Variants in TANC1 observed in about 807,000 individuals in gnomAD.
TANC1 encodes tetratricopeptide repeat, ankyrin repeat and coiled-coil containing 1, also known as protein TANC1.
Under a neutral mutation model 149.7 loss-of-function variants are expected in TANC1, and 77 were observed. The ratio of observed to expected loss-of-function variants is 0.51; its 90% CI spans 0.43 to 0.62. The LOEUF is 0.62. Among genes scored for constraint, TANC1 ranks in the 20% least tolerant of loss-of-function variants. The pLI is 0.00. For missense variants in TANC1, 1,985 were observed against 2,321.8 expected (o/e 0.85, Z 2.98); for synonymous variants, 854 against 925.0 (o/e 0.92, Z 1.39).
At chr2:158,987,398 C>T (rs1313977223) in intron 1 of TANC1, among the ~76,000 whole-genome samples, 5 of 151,638 alleles carry the variant, frequency 3.3e-5, no homozygotes, top group Admixed American at 6.6e-5. Context: ...TGGTGGTGCA[C>T]ACCTGTAGTT....
chr2:159,134,603 C>T (rs1354319342), intron 4 of TANC1, among the ~76,000 whole-genome samples: 2 of 152,224 alleles, frequency 1.3e-5, no homozygotes, highest in African/African-American at 4.8e-5. Flanking sequence ...CTGCCTCAGC[C>T]TCCTGAGTAG....
intron 22 of TANC1, among the ~76,000 whole-genome samples, chr2:159,221,100 C>T (rs2059681234): frequency 1.3e-5 from 2 of 152,268 alleles, no homozygotes; most frequent in African/African-American, 2.4e-5. Context: ...CCTGTAATCC[C>T]GGCACTTTGG....
At chr2:159,136,153 T>C in intron 4 of TANC1, 41 bp from the exon 5 acceptor site, 1 of 1,210,322 alleles carries the variant, frequency 8.3e-7, no homozygotes, top group Non-Finnish European at 1.2e-6. Flanking sequence ...TTTGTTTGCA[T>C]CTGGAAAAAA....
At chr2:159,008,810 A>T (rs574498839) in intron 2 of TANC1, among the ~76,000 whole-genome samples, 94 of 152,296 alleles carry the variant, frequency 6.2e-4, no homozygotes, top group Non-Finnish European at 1.3e-3. Flanking sequence ...GAGACAAAGT[A>T]TTCGGTTGAT....
rs1006765295 is a variant in TANC1 at position 159,169,340 on chromosome 2, A to T, written c.1037A>T (p.Asn346Ile). 1 of 1,614,010 alleles carries T rather than the reference A, an allele frequency of 6.2e-7. No individual in the cohort carries two copies. Among genetic ancestry groups the T allele is most frequent in the Admixed American group, 1.7e-5 (1 of 60,018 alleles). The change falls in exon 9 of 27, where the codon AAT (asparagine) becomes ATT (isoleucine). Residue 346 changes from asparagine to isoleucine, a missense_variant. Around this residue, in one of 3 missense-constraint regions of TANC1, gnomAD observed 557 missense variants for 612.9 expected, o/e 0.91. Transcript: ENST00000263635. ...LRTSIRLPWH[N>I]TAGGRAQEVK... is the part of the protein sequence containing the mutation. ...ACGTCAATTAGATTACCATGGCACAATACGGCCGGAGGTAGGGCACAGGAA... is the reference window on the plus strand; with the variant it reads ...ACGTCAATTAGATTACCATGGCACATTACGGCCGGAGGTAGGGCACAGGAA...
chr2:159,083,964 GTC>G (rs750011734), intron 3 of TANC1, among the ~76,000 whole-genome samples: 16,439 of 152,088 alleles, frequency 0.11, 898 homozygotes, highest in African/African-American at 0.13. Context: ...GAAAAATGCA[GTC>G]ATCAGCTGGG....
chr2:159,218,605 G>T (rs1180855213), intron 20 of TANC1, among the ~76,000 whole-genome samples: 1 of 152,236 alleles, frequency 6.6e-6, no homozygotes, highest in African/African-American at 2.4e-5. Context: ...TTCCTGCTGG[G>T]ATGGTGGTGA....
At chr2:159,082,558 GTC>G (rs1268651018) in intron 3 of TANC1, among the ~76,000 whole-genome samples, 2 of 152,118 alleles carry the variant, frequency 1.3e-5, no homozygotes, top group African/African-American at 2.4e-5. Flanking sequence ...TAGCTCACTT[GTC>G]TGTGTGGCAA....
chr2:159,059,519 A>G (rs2042078368), intron 2 of TANC1, among the ~76,000 whole-genome samples: 1 of 146,470 alleles, frequency 6.8e-6, no homozygotes. Context: ...AAAACCAAAT[A>G]TATAAAAAAA....
rs189118614 is a variant in TANC1, at chr2:159,005,231, C to A, written c.-16+4042C>A. Among the ~76,000 whole-genome samples, 5 of 152,178 alleles carry A rather than the reference C, an allele frequency of 3.3e-5. No homozygotes were observed. The East Asian group carries it at 9.6e-4, about 29-fold the overall frequency. ...ATTTTGTTTATGGTCAGTTTTGGGG[C>A]CAGTTTATGGTCAGATTTGGGGGCC... On this transcript the variant is annotated intron_variant, in intron 2 of 26. Transcript: ENST00000263635.
At chr2:158,987,761 C>A (rs2035177471) in intron 1 of TANC1, among the ~76,000 whole-genome samples, 2 of 152,084 alleles carry the variant, frequency 1.3e-5, no homozygotes, top group Non-Finnish European at 2.9e-5. Flanking sequence ...GAGCTGTTTT[C>A]TGTGAATTTG....
intron 8 of TANC1, among the ~76,000 whole-genome samples, chr2:159,167,434 T>G (rs533262344): frequency 3.3e-5 from 5 of 152,328 alleles, no homozygotes; most frequent in African/African-American, 1.2e-4. Context: ...ACCCTACTTA[T>G]GAAGGGCCTA....
At chr2:159,150,607 A>G in intron 7 of TANC1, 51 bp downstream of exon 7, 1 of 1,402,854 alleles carries the variant, frequency 7.1e-7, no homozygotes, top group Non-Finnish European at 1.0e-6. Context: ...CATCAACCAG[A>G]GCATTCACCA....
In TANC1 at chr2:159,230,901, T is replaced by C. The variant is rs1434922639; in HGVS notation, c.5475T>C (p.His1825=). The C allele has an allele frequency of 2.5e-6, 4 of 1,614,072 alleles. No individual in the cohort carries two copies. Among genetic ancestry groups the C allele is most frequent in the Non-Finnish European group, 3.4e-6 (4 of 1,180,044 alleles). ...QENRITKTVS[H]LYQESISKQQ... Reference sequence around the variant, plus strand: ...ACAGGATAACTAAGACTGTTTCTCATCTGTACCAGGAAAGTATCTCCAAAC... The same window carrying C: ...ACAGGATAACTAAGACTGTTTCTCACCTGTACCAGGAAAGTATCTCCAAAC... Residue 1825 remains histidine, a synonymous_variant, in exon 27 of 27, where the codon CAT becomes CAC. Transcript: ENST00000263635. The surrounding 1 kb of genome is among the most constrained non-coding windows in gnomAD (Gnocchi z 4.4).
chr2:159,092,542 G>A (rs1297305544), intron 3 of TANC1, among the ~76,000 whole-genome samples: 2 of 152,148 alleles, frequency 1.3e-5, no homozygotes, highest in African/African-American at 4.8e-5. Context: ...CGCCTTATTG[G>A]ATGGCTTTAT....
rs761767087 is a variant in TANC1, at chr2:159,199,007, A to G, written c.3198A>G (p.Glu1066=). Reference sequence around the variant, plus strand: ...AGTGCTTGCTGGGGATGGAGAAGGAACATGAAGTAGAAGTCAATGGCACCG... The same window carrying G: ...AGTGCTTGCTGGGGATGGAGAAGGAGCATGAAGTAGAAGTCAATGGCACCG... ...VVQCLLGMEK[E]HEVEVNGTDT... The change falls in exon 19 of 27, where the codon GAA becomes GAG. Residue 1066 remains glutamate (E), a synonymous_variant. Coordinates refer to ENST00000263635, the MANE Select transcript of TANC1 (RefSeq NM_033394.3). 1.2e-6 allele frequency: 2 copies of G among 1,614,134 alleles called. No homozygotes were observed. Among genetic ancestry groups the G allele is most frequent in the Admixed American group, 1.7e-5 (1 of 60,026 alleles).
intron 5 of TANC1, among the ~76,000 whole-genome samples, chr2:159,137,151 A>C (rs1291720347): frequency 6.6e-6 from 1 of 152,190 alleles, no homozygotes; most frequent in Non-Finnish European, 1.5e-5. Flanking sequence ...TTACTTTGGC[A>C]TATCTGGCAC....
At chr2:159,171,006 G>C (rs751284937) in intron 10 of TANC1, among the ~76,000 whole-genome samples, 1 of 152,234 alleles carries the variant, frequency 6.6e-6, no homozygotes, top group Non-Finnish European at 1.5e-5. Context: ...GGCGAGGCCA[G>C]TGTTCCCTGA....
intron 2 of TANC1, among the ~76,000 whole-genome samples, chr2:159,003,762 C>A (rs1383406439): frequency 6.6e-6 from 1 of 152,204 alleles, no homozygotes; most frequent in East Asian, 1.9e-4. Context: ...CGTCGTCTTT[C>A]TCTGTCTCGG....
Sources: allele counts gnomAD v4.1 joint callset (sites outside exome capture counted in the v4.1 genomes callset), GRCh38; gene constraint gnomAD v4.1.1; regional missense constraint gnomAD v4.1.1; non-coding constraint Gnocchi (gnomAD v3.1); transcripts MANE v1.5; gene names NCBI Gene and HGNC (gene_info 2026-07-23, HGNC 2026-07-21).